Variants in CDK17 observed in about 807,000 individuals in gnomAD.
CDK17 encodes the protein cyclin dependent kinase 17, also known as cyclin-dependent kinase 17.
A neutral mutation model predicts 77.6 loss-of-function variants in CDK17; 24 were observed. That is an observed-to-expected ratio of 0.31 (90% CI 0.22 to 0.44). CDK17 has a LOEUF of 0.44. Among genes scored for constraint, CDK17 ranks in the 20% least tolerant of loss-of-function variants. The pLI is 1.00. For missense variants in CDK17, 429 were observed against 622.5 expected (o/e 0.69, Z 3.31); for synonymous variants, 203 against 210.4 (o/e 0.96, Z 0.30).
intron 1 of CDK17, among the ~76,000 whole-genome samples, chr12:96,394,925 G>C (rs892650398): frequency 6.8e-6 from 1 of 147,324 alleles, no homozygotes; most frequent in Admixed American, 6.9e-5. Flanking sequence ...CGCCAGGCTA[G>C]AGTGCAATGG....
intron 1 of CDK17, among the ~76,000 whole-genome samples, chr12:96,393,987 C>G (rs1339633576): frequency 6.6e-6 from 1 of 152,104 alleles, no homozygotes; most frequent in Non-Finnish European, 1.5e-5. Flanking sequence ...GTGGCTCACA[C>G]CTGTAATCCC....
chr12:96,389,835 GT>G (rs144451889), intron 1 of CDK17, among the ~76,000 whole-genome samples: 123,455 of 138,356 alleles, frequency 0.89, 55,057 homozygotes, highest in East Asian at 0.99. Context: ...TTTGTTTTTT[GT>G]TTTTTTTTTT....
intron 10 of CDK17, among the ~76,000 whole-genome samples, chr12:96,289,829 T>G (rs1723337658): frequency 6.6e-6 from 1 of 152,202 alleles, no homozygotes; most frequent in African/African-American, 2.4e-5. Context: ...AAAATTACAG[T>G]GCTGTTCTGT....
At chr12:96,372,749 G>GA (rs200821858) in intron 1 of CDK17, among the ~76,000 whole-genome samples, 1,522 of 151,568 alleles carry the variant, frequency 0.01, 26 homozygotes, top group African/African-American at 0.033. Context: ...ATTATAAATA[G>GA]AAAAAATAAA....
intron 1 of CDK17, among the ~76,000 whole-genome samples, chr12:96,377,972 C>T (rs1953813930): frequency 6.6e-6 from 1 of 152,072 alleles, no homozygotes; most frequent in South Asian, 2.1e-4. Flanking sequence ...GGATTACAGG[C>T]GTGAGCCACT....
chr12:96,313,162 A>G (rs1030763184), intron 4 of CDK17, among the ~76,000 whole-genome samples, 159 bp downstream of exon 4: 1 of 152,256 alleles, frequency 6.6e-6, no homozygotes, highest in Admixed American at 6.5e-5. Flanking sequence ...AAATATTCAC[A>G]GACTGCAATT....
chr12:96,342,735 C>T (rs1400363646), intron 1 of CDK17, among the ~76,000 whole-genome samples: 1 of 152,120 alleles, frequency 6.6e-6, no homozygotes, highest in Non-Finnish European at 1.5e-5. Context: ...GAGGCCAAGG[C>T]AGGCGGATCA....
chr12:96,365,085 AAG>A (rs1321704439), intron 1 of CDK17, among the ~76,000 whole-genome samples: 14 of 152,306 alleles, frequency 9.2e-5, no homozygotes, highest in African/African-American at 1.4e-4. Flanking sequence ...ATAAAAATTA[AAG>A]AGTTTTAAAT....
At chr12:96,344,182 GA>G (rs2137159411) in intron 1 of CDK17, among the ~76,000 whole-genome samples, 1 of 152,194 alleles carries the variant, frequency 6.6e-6, no homozygotes, top group South Asian at 2.1e-4. Context: ...GAAGAAAAAT[GA>G]ATAGAGCCTG....
intron 10 of CDK17, among the ~76,000 whole-genome samples, chr12:96,292,993 C>G (rs1304319738): frequency 6.6e-6 from 1 of 152,114 alleles, no homozygotes; most frequent in African/African-American, 2.4e-5. Flanking sequence ...TGAAAATTAT[C>G]AAAGACCTAA....
At chr12:96,334,572 T>C (rs1404326515) in intron 2 of CDK17, 147 bp downstream of exon 2, 6 of 560,424 alleles carry the variant, frequency 1.1e-5, no homozygotes, top group Non-Finnish European at 1.9e-5. Flanking sequence ...ACAAAAGTTA[T>C]ATAGTCTTCA....
chr12:96,381,691 T>G (rs1046709286), intron 1 of CDK17, among the ~76,000 whole-genome samples: 5 of 151,938 alleles, frequency 3.3e-5, no homozygotes, highest in African/African-American at 1.2e-4. Context: ...ACACTAGATA[T>G]TAAAATATAT....
intron 9 of CDK17, 30 bp downstream of exon 9, chr12:96,297,240 T>C (rs1241101340): frequency 2.7e-6 from 4 of 1,506,400 alleles, no homozygotes; most frequent in Non-Finnish European, 3.7e-6. Flanking sequence ...TTAAACAAAA[T>C]TTAAAAATTA....
intron 4 of CDK17, among the ~76,000 whole-genome samples, chr12:96,312,853 CCCA>C (rs1485598768): frequency 6.6e-6 from 1 of 152,166 alleles, no homozygotes; most frequent in South Asian, 2.1e-4. Flanking sequence ...GGAAAGGACA[CCCA>C]CTTTTATAAT....
chr12:96,319,862 TG>T (rs1403619265), intron 3 of CDK17, among the ~76,000 whole-genome samples: 1 of 142,700 alleles, frequency 7.0e-6, no homozygotes, highest in African/African-American at 2.7e-5. Context: ...GGGCAAAAAC[TG>T]GAAGCATTCC....
At chr12:96,399,694 G>A (rs1954227542) in intron 1 of CDK17, among the ~76,000 whole-genome samples, 1 of 152,168 alleles carries the variant, frequency 6.6e-6, no homozygotes, top group South Asian at 2.1e-4. Context: ...GAGCACCGGA[G>A]GCGGCGGCGT....
At chr12:96,367,649 G>A (rs1363446824) in intron 1 of CDK17, among the ~76,000 whole-genome samples, 1 of 152,070 alleles carries the variant, frequency 6.6e-6, no homozygotes, top group African/African-American at 2.4e-5. Flanking sequence ...CCATATGTGA[G>A]ATTACCTATC....
At chr12:96,340,628 C>G (rs1196176069) in intron 1 of CDK17, among the ~76,000 whole-genome samples, 1 of 152,056 alleles carries the variant, frequency 6.6e-6, no homozygotes, top group African/African-American at 2.4e-5. Context: ...TTTTCGTTAG[C>G]TGAGAACAAA....
intron 1 of CDK17, among the ~76,000 whole-genome samples, chr12:96,391,278 G>C (rs1954063059): frequency 7.0e-6 from 1 of 143,866 alleles, no homozygotes. Flanking sequence ...GGGTTGTTTT[G>C]TTTTTGATTT....
Sources: allele counts gnomAD v4.1 joint callset (sites outside exome capture counted in the v4.1 genomes callset), GRCh38; gene constraint gnomAD v4.1.1; transcripts MANE v1.5; gene names NCBI Gene and HGNC (gene_info 2026-07-23, HGNC 2026-07-21).